ZNF91: variants seen among roughly 807,000 people sequenced by gnomAD.
ZNF91 encodes zinc finger protein 91.
ZNF91 carries 7 observed loss-of-function variants against 12.6 expected under a neutral mutation model. The ratio of observed to expected loss-of-function variants is 0.55; its 90% CI spans 0.31 to 1.04. The LOEUF (loss-of-function observed/expected upper bound fraction) is 1.04. Among genes scored for constraint, ZNF91 ranks in the 50% least tolerant of loss-of-function variants. The probability of loss-of-function intolerance (pLI) is 0.05; values close to 1 mark genes in which losing one functional copy is unlikely to be tolerated. For synonymous variants in ZNF91, 453 were observed against 462.6 expected (o/e 0.98, Z 0.27); for missense variants, 1,217 against 1,385.4 (o/e 0.88, Z 1.93).
intron 3 of ZNF91, among the ~76,000 whole-genome samples, chr19:23,340,565 C>G (rs1318635375): frequency 6.6e-6 from 1 of 151,854 alleles, no homozygotes; most frequent in Non-Finnish European, 1.5e-5. Context: ...AAGAAAAGCT[C>G]AGGACTAAAT....
At chr19:23,391,790 C>A (rs1290446205) in intron 1 of ZNF91, among the ~76,000 whole-genome samples, 1 of 152,076 alleles carries the variant, frequency 6.6e-6, no homozygotes, top group African/African-American at 2.4e-5. Flanking sequence ...GGGACATCTG[C>A]AGGGGAGGCT....
intron 3 of ZNF91, among the ~76,000 whole-genome samples, chr19:23,349,484 G>A (rs1364292242): frequency 1.3e-5 from 2 of 152,210 alleles, no homozygotes; most frequent in African/African-American, 2.4e-5. Flanking sequence ...CCCAGATTCT[G>A]AGCCATTCAG....
chr19:23,388,609 C>T (rs35662497), intron 1 of ZNF91, among the ~76,000 whole-genome samples: 28,665 of 152,052 alleles, frequency 0.19, 2,916 homozygotes, highest in Non-Finnish European at 0.21. Flanking sequence ...CAGTGGCTCA[C>T]GCCTGTAATC....
At chr19:23,357,114 C>T (rs1276378128), downstream of ZNF91, among the ~76,000 whole-genome samples, 1 of 152,180 alleles carries the variant, frequency 6.6e-6, no homozygotes, top group Non-Finnish European at 1.5e-5. Context: ...GTAATCTCAG[C>T]TACTCAGGAG....
At chr19:23,371,167 C>T (rs1051579787) in intron 3 of ZNF91, among the ~76,000 whole-genome samples, 1 of 151,978 alleles carries the variant, frequency 6.6e-6, no homozygotes, top group African/African-American at 2.4e-5. Flanking sequence ...ATGAGAGAAA[C>T]CCTGTCTCTA....
intron 1 of ZNF91, among the ~76,000 whole-genome samples, chr19:23,390,436 T>C (rs749174021): frequency 2.0e-5 from 3 of 152,320 alleles, no homozygotes; most frequent in Middle Eastern, 3.4e-3. Flanking sequence ...TAAAATTCTC[T>C]ATCTTTTGTG....
intron 1 of ZNF91, among the ~76,000 whole-genome samples, chr19:23,392,067 T>C (rs904969182): frequency 6.6e-6 from 1 of 152,080 alleles, no homozygotes; most frequent in African/African-American, 2.4e-5. Context: ...ACAATAAATA[T>C]ATTATGTTAT....
At chr19:23,308,697 C>T (rs891925330) in intron 2 of ZNF91, 10 of 152,242 alleles carry the variant, frequency 6.6e-5, no homozygotes, top group African/African-American at 2.4e-4. Context: ...TGATTTGTGT[C>T]ATGGAGCAGA....
chr19:23,376,848 T>G (rs933156350), intron 1 of ZNF91, among the ~76,000 whole-genome samples: 2 of 152,172 alleles, frequency 1.3e-5, no homozygotes, highest in Non-Finnish European at 2.9e-5. Flanking sequence ...AAAAGCCATT[T>G]TTTCTCTTTC....
chr19:23,340,710 A>G (rs946662827), intron 3 of ZNF91, among the ~76,000 whole-genome samples: 1 of 151,286 alleles, frequency 6.6e-6, no homozygotes, highest in Non-Finnish European at 1.5e-5. Flanking sequence ...AGCCAAGGAC[A>G]CAACAAAGAA....
At position 23,361,813 on chromosome 19, in the gene ZNF91, C is replaced by A. The variant is rs766711821; in HGVS notation, c.1166G>T (p.Arg389Leu). Residue 389 changes from arginine to leucine, a missense_variant, in exon 4 of 4, where the codon CGA becomes CTA. Physicochemically the swap from Arg to Leu is moderately radical, Grantham distance 102. Around this residue, in one of 2 missense-constraint regions of ZNF91, gnomAD observed 726 missense variants for 895.5 expected, o/e 0.81. Transcript: ENST00000300619. ...KCKECDKAFK[R>L]LSTLTKHKII... ...TTTATGTTTAGTAAGGGTTGAGAGT[C>A]GCTTAAAAGCTTTGTCACATTCTTT... 14 of 1,605,716 alleles carry A rather than the reference C, an allele frequency of 8.7e-6. No homozygotes were observed. In the African/African-American group the frequency reaches 1.6e-4, roughly 19 times the overall value.
intron 3 of ZNF91, among the ~76,000 whole-genome samples, chr19:23,369,428 G>A (rs1403275895): frequency 6.6e-6 from 1 of 151,996 alleles, no homozygotes; most frequent in East Asian, 1.9e-4. Context: ...TCCGGGAGGT[G>A]GAGGGCGCCT....
At position 23,360,645 on chromosome 19, in the gene ZNF91, T is replaced by C; in HGVS notation, c.2334A>G (p.Ala778=). 4 of 1,613,172 alleles carry C rather than the reference T, an allele frequency of 2.5e-6. No homozygotes were observed. Among genetic ancestry groups the C allele is most frequent in the African/African-American group, 1.3e-5 (1 of 74,722 alleles). Residue 778 remains alanine, a synonymous_variant, in exon 4 of 4, where the codon GCA becomes GCG. Transcript: ENST00000300619. ...KPFKCKECGK[A]FIWSSTLTRH... Reference sequence around the variant, plus strand: ...TAGTTAGGGTTGAAGACCATATAAATGCTTTGCCACATTCTTTACATTTGA... The same window carrying C: ...TAGTTAGGGTTGAAGACCATATAAACGCTTTGCCACATTCTTTACATTTGA...
intron 3 of ZNF91, among the ~76,000 whole-genome samples, chr19:23,344,464 T>C (rs1390241147): frequency 6.6e-6 from 1 of 152,204 alleles, no homozygotes; most frequent in Non-Finnish European, 1.5e-5. Context: ...CCACATATGA[T>C]GCCCATGTTT....
At position 23,374,640 on chromosome 19, in the gene ZNF91, AG is replaced by A; in HGVS notation, c.154del (p.Leu52TrpfsTer10). ...CTTAGTATTAAAGTTTTCCTTACCCAGGAAGGCCAGGTTTCTGTAGTTCTCT... is the reference window on the plus strand; with the variant it reads ...CTTAGTATTAAAGTTTTCCTTACCCAGAAGGCCAGGTTTCTGTAGTTCTCT... ...MLENYRNLAF[L>X]GIALSKPDLI... On this transcript the variant is annotated frameshift_variant, in exon 2 of 4. Coordinates refer to ENST00000300619, the MANE Select transcript of ZNF91 (RefSeq NM_003430.4). LOFTEE classifies it high-confidence loss of function. 6.2e-7 allele frequency: 1 copy of A among 1,609,252 alleles called. No individual in the cohort carries two copies. Among genetic ancestry groups the A allele is most frequent in the South Asian group, 1.1e-5 (1 of 90,712 alleles).
intron 3 of ZNF91, among the ~76,000 whole-genome samples, chr19:23,345,989 T>TC (rs1968221392): frequency 6.6e-6 from 1 of 151,894 alleles, no homozygotes; most frequent in Non-Finnish European, 1.5e-5. Context: ...CCTCCTTCTC[T>TC]CCCATCCACA....
chr19:23,342,078 C>A, intron 3 of ZNF91: 1 of 336,882 alleles, frequency 3.0e-6, no homozygotes, highest in Non-Finnish European at 5.4e-6. Context: ...TCCATGGAAG[C>A]AGAGCATTCT....
chr19:23,337,632 AG>A (rs1162629237), downstream of ZNF91, among the ~76,000 whole-genome samples: 2 of 152,034 alleles, frequency 1.3e-5, no homozygotes, highest in Non-Finnish European at 2.9e-5. Flanking sequence ...ATAATTCTCC[AG>A]TACTCTAAGA....
rs146421785 is a variant in ZNF91, at chr19:23,349,032, G to A, written c.254-9978C>T. Among the ~76,000 whole-genome samples the A allele has an allele frequency of 7.1e-3, 1,078 of 152,194 alleles. 7 individuals carry two copies. Among genetic ancestry groups the A allele is most frequent in the Non-Finnish European group, 0.012 (814 of 67,998 alleles). The stretch of plus-strand genomic sequence containing the variant: ...GGAAATTCCAGCCTAGTGAATTCTA[G>A]TCAGACCAGTTCTCTGCTCTTGAAC... On this transcript the variant is annotated intron_variant, in intron 3 of 3. Transcript: ENST00000599743.
Sources: allele counts gnomAD v4.1 joint callset (sites outside exome capture counted in the v4.1 genomes callset), GRCh38; gene constraint gnomAD v4.1.1; regional missense constraint gnomAD v4.1.1; transcripts MANE v1.5; gene names NCBI Gene and HGNC (gene_info 2026-07-23, HGNC 2026-07-21).